Variants in SDE2 observed in about 807,000 individuals in gnomAD.
The protein encoded by SDE2 is splicing regulator SDE2.
Under a neutral mutation model 46.9 loss-of-function variants are expected in SDE2, and 31 were observed. The ratio of observed to expected loss-of-function variants is 0.66; its 90% CI spans 0.50 to 0.89. SDE2 has a LOEUF of 0.89. SDE2 is among the 40% of genes least tolerant of loss of function. SDE2 has a pLI of 0.00. For synonymous variants in SDE2, 205 were observed against 204.3 expected, an observed-to-expected ratio of 1.00 and a Z score of -0.03; for missense variants, 542 against 564.4, an observed-to-expected ratio of 0.96 and a Z score of 0.40.
At chr1:225,990,699 T>A (rs1434801642) in intron 5 of SDE2, among the ~76,000 whole-genome samples, 1 of 152,252 alleles carries the variant, frequency 6.6e-6, no homozygotes, top group African/African-American at 2.4e-5. Flanking sequence ...AATAATTATC[T>A]GTTTATCCCC....
intron 5 of SDE2, among the ~76,000 whole-genome samples, chr1:225,990,684 T>C (rs1656379408): frequency 6.6e-6 from 1 of 152,218 alleles, no homozygotes; most frequent in African/African-American, 2.4e-5. Flanking sequence ...ATATGATCTT[T>C]GATTAATAAT....
chr1:225,987,745 A>C, intron 6 of SDE2, 151 bp downstream of exon 6: 1 of 770,562 alleles, frequency 1.3e-6, no homozygotes, highest in East Asian at 2.6e-5. Context: ...TTTTTGGGGA[A>C]TAAGGCAAGC....
Position 225,984,593 on chromosome 1 carries a change from G to A in SDE2, c.*709C>T, listed in dbSNP as rs1456470336. 2 of 152,148 alleles carry A rather than the reference G, an allele frequency of 1.3e-5. No homozygotes were observed. Among genetic ancestry groups the A allele is most frequent in the African/African-American group, 4.8e-5 (2 of 41,430 alleles). The allele number at this position is 152,148 out of a possible 1,614,324, so 9.4% of individuals were successfully genotyped here. On this transcript the variant is annotated 3_prime_UTR_variant, in exon 7 of 7. Coordinates refer to ENST00000272091, the MANE Select transcript of SDE2 (RefSeq NM_152608.4). The stretch of plus-strand genomic sequence containing the variant: ...TGGGAGGCTGAGGCGGGTGGACCAC[G>A]AGGTAAAGAGATCGAGACCATCCTG...
chr1:225,995,187 T>C, intron 2 of SDE2, 79 bp downstream of exon 2: 2 of 752,858 alleles, frequency 2.7e-6, no homozygotes, highest in Non-Finnish European at 4.7e-6. Flanking sequence ...AGACAGCAAA[T>C]GTCAGCAGCA....
At chr1:225,986,817 C>A (rs940637266) in intron 6 of SDE2, among the ~76,000 whole-genome samples, 2 of 152,138 alleles carry the variant, frequency 1.3e-5, no homozygotes, top group Non-Finnish European at 2.9e-5. Flanking sequence ...AATAGTCTCA[C>A]CAGAAAGGGC....
rs1445871439 is a variant in SDE2, at chr1:225,983,011, A to C, written c.*2291T>G. 6.6e-6 allele frequency: 1 copy of C among 152,198 alleles called. No homozygotes were observed. The highest frequency in any genetic ancestry group is 6.5e-5 in the Admixed American group (1 of 15,276). The allele number at this position is 152,198 out of a possible 1,614,324, so 9.4% of individuals were successfully genotyped here. A position where few individuals can be genotyped will look rare whatever the true frequency, so the allele number is the denominator to read the frequency against. On this transcript the variant is annotated 3_prime_UTR_variant, in exon 7 of 7. Coordinates refer to ENST00000272091, the MANE Select transcript of SDE2 (RefSeq NM_152608.4). ...AAACAGTATAGCTAAAGAGCCAATA[A>C]ATTAAAATACAATTATAAAATAATC...
At chr1:225,995,940 C>T (rs1410134198) in intron 1 of SDE2, among the ~76,000 whole-genome samples, 1 of 152,156 alleles carries the variant, frequency 6.6e-6, no homozygotes, top group East Asian at 1.9e-4. Context: ...GCCCCAGATT[C>T]TGTGTAGCTG....
intron 1 of SDE2, among the ~76,000 whole-genome samples, chr1:225,998,848 G>A (rs1656590790): frequency 6.6e-6 from 1 of 152,146 alleles, no homozygotes; most frequent in South Asian, 2.1e-4. Context: ...ATAGTAAGAA[G>A]GTGAAGACTG....
chr1:225,993,168 G>T (rs1051401984), intron 2 of SDE2, among the ~76,000 whole-genome samples, 166 bp from the exon 3 acceptor site: 6 of 149,650 alleles, frequency 4.0e-5, no homozygotes, highest in Admixed American at 6.7e-5. Flanking sequence ...TTCAGGCAGC[G>T]AAAGTAAAAA....
chr1:225,986,923 A>G (rs1411936951), intron 6 of SDE2, among the ~76,000 whole-genome samples: 1 of 152,262 alleles, frequency 6.6e-6, no homozygotes, highest in Non-Finnish European at 1.5e-5. Flanking sequence ...TAAGTAGTTT[A>G]GGTTTCACCT....
At chr1:225,995,425 T>A in intron 1 of SDE2, 42 bp from the exon 2 acceptor site, 1 of 1,006,852 alleles carries the variant, frequency 9.9e-7, no homozygotes, top group Non-Finnish European at 1.6e-6. Flanking sequence ...TATGAGATAA[T>A]AATCTAAGTT....
rs144261182 is a variant in SDE2 at position 225,994,791 on chromosome 1, C to G, written c.238+475G>C. Among the ~76,000 whole-genome samples, 132 of 152,334 alleles carry G rather than the reference C, an allele frequency of 8.7e-4. 1 individual carries two copies. The highest frequency in any genetic ancestry group is 3.0e-3 in the African/African-American group (124 of 41,572). On this transcript the variant is annotated intron_variant, in intron 2 of 6. Transcript: ENST00000272091. ...CCTAGGTTCCCTAAGAGCTATCCAG[C>G]TGAACAAAGTGGGAATTGTATCACA...
chr1:225,993,726 A>T (rs2816325), intron 2 of SDE2, among the ~76,000 whole-genome samples: 7,979 of 152,222 alleles, frequency 0.052, 713 homozygotes, highest in African/African-American at 0.18. Context: ...AGGCAATTTT[A>T]AGCTCCACTG....
rs760750401 is a variant in SDE2, at chr1:225,991,341, C to T, written c.543G>A (p.Lys181=). The change falls in exon 5 of 7, where the codon AAG becomes AAA. Residue 181 remains lysine, a synonymous_variant. Transcript: ENST00000272091. ...TCTCACTGATTTCTGCTGAAACCAT[C>T]TTGCTGGAGGCAGCCTGCATACCTA... ...VLKGMQAASS[K]MVSAEISENR... The T allele has an allele frequency of 5.0e-6, 8 of 1,613,808 alleles. No homozygotes were observed. The Admixed American group carries it at 1.2e-4, about 24-fold the overall frequency.
rs1656223042 is a variant in SDE2 at position 225,984,383 on chromosome 1, A to G, written c.*919T>C. The G allele has an allele frequency of 2.6e-5, 4 of 152,202 alleles. No homozygotes were observed. In the South Asian group the frequency reaches 8.3e-4, roughly 32 times the overall value. The allele number at this position is 152,202 out of a possible 1,614,324, so 9.4% of individuals were successfully genotyped here. ...GTATTTTAAATAACGTCTAAGATCA[A>G]TGACCTAAGGCTTATCTTAAGGAAC... On this transcript the variant is annotated 3_prime_UTR_variant, in exon 7 of 7. Coordinates refer to ENST00000272091, the MANE Select transcript of SDE2 (RefSeq NM_152608.4).
rs1387498883 is a variant in SDE2, at chr1:225,988,328, GTCA to G, written c.699_701del (p.Asp234del). 6.2e-7 allele frequency: 1 copy of G among 1,614,094 alleles called. No individual in the cohort carries two copies. Among genetic ancestry groups the G allele is most frequent in the East Asian group, 2.2e-5 (1 of 44,886 alleles). On this transcript the variant is annotated inframe_deletion, in exon 6 of 7. Transcript: ENST00000272091. ...CTGAAGTGCTTGGTGCTTCTTCACT[GTCA>G]TCATCTGAACTCTCAGAGTTGGACC... is the stretch of plus-strand genomic sequence containing the variant.
chr1:225,995,621 C>T (rs1014877602), intron 1 of SDE2, among the ~76,000 whole-genome samples: 1 of 152,090 alleles, frequency 6.6e-6, no homozygotes, highest in Non-Finnish European at 1.5e-5. Flanking sequence ...TCAGTCTTTG[C>T]GGTGACAACA....
chr1:225,990,862 G>A (rs1452253099), intron 5 of SDE2, among the ~76,000 whole-genome samples: 1 of 151,606 alleles, frequency 6.6e-6, no homozygotes, highest in Non-Finnish European at 1.5e-5. Flanking sequence ...GTGAAGAGAA[G>A]TCTGGCAAAG....
chr1:225,992,526 T>C lies in SDE2; in HGVS notation c.392A>G (p.Glu131Gly), dbSNP rs199840109. ...TCGCTCCAGCCGCTTCTGCTCCTTT[T>C]CAGCCTCTCGCTCGGCTTGTTGTTT... ...WVKQQAEREA[E>G]KEQKRLERLQ... Residue 131 changes from glutamate (E) to glycine (G), a missense_variant, in exon 4 of 7, where the codon GAA becomes GGA. By Grantham distance (98) the Glu-to-Gly change is moderately conservative. Transcript: ENST00000272091. The C allele has an allele frequency of 9.8e-4, 1,579 of 1,612,018 alleles. 1 individual carries two copies. Among genetic ancestry groups the C allele is most frequent in the Non-Finnish European group, 1.2e-3 (1,419 of 1,179,900 alleles).
Sources: allele counts gnomAD v4.1 joint callset (sites outside exome capture counted in the v4.1 genomes callset), GRCh38; gene constraint gnomAD v4.1.1; transcripts MANE v1.5; gene names NCBI Gene and HGNC (gene_info 2026-07-23, HGNC 2026-07-21).